NTM: variants seen among roughly 807,000 people sequenced by gnomAD.
NTM encodes IgLON family member 2.
Under a neutral mutation model 42.1 loss-of-function variants are expected in NTM, and 13 were observed. That is an observed-to-expected ratio of 0.31 (90% CI 0.20 to 0.49). NTM has a LOEUF of 0.49. Ranked by LOEUF, NTM falls within the 20% of genes least tolerant of loss-of-function variation. NTM has a pLI of 0.99. For synonymous variants in NTM, 187 were observed against 179.2 expected (o/e 1.04, Z -0.35); for missense variants, 373 against 452.8 (o/e 0.82, Z 1.60).
intron 2 of NTM, among the ~76,000 whole-genome samples, chr11:131,983,566 G>A (rs2065609020): frequency 6.6e-6 from 1 of 151,784 alleles, no homozygotes; most frequent in African/African-American, 2.4e-5. Context: ...ATTAGAGATG[G>A]GGTTTCACCA....
chr11:131,984,697 T>G (rs1347503377), intron 2 of NTM: 1 of 152,234 alleles, frequency 6.6e-6, no homozygotes, highest in Non-Finnish European at 1.5e-5. Flanking sequence ...GTTTTTCAGC[T>G]ACACAAAAAC....
chr11:131,917,441 G>C (rs73580756), intron 2 of NTM, among the ~76,000 whole-genome samples: 1 of 152,118 alleles, frequency 6.6e-6, no homozygotes, highest in African/African-American at 2.4e-5. Context: ...CCACAGATGA[G>C]GTGTGTTGGT....
intron 1 of NTM, among the ~76,000 whole-genome samples, chr11:131,494,889 T>TCTCTCTCC (rs1223565856): frequency 6.6e-6 from 1 of 152,172 alleles, no homozygotes; most frequent in African/African-American, 2.4e-5. Flanking sequence ...GAAATCACTT[T>TCTCTCTCC]CTCTCTCCCT....
At chr11:131,844,182 T>C (rs1043799039) in intron 1 of NTM, among the ~76,000 whole-genome samples, 12 of 152,230 alleles carry the variant, frequency 7.9e-5, no homozygotes, top group Non-Finnish European at 1.3e-4. Flanking sequence ...TTTAGCTTTT[T>C]AATCTATCTG....
chr11:132,120,245 G>T (rs80227605), intron 2 of NTM, among the ~76,000 whole-genome samples: 34 of 152,232 alleles, frequency 2.2e-4, no homozygotes, highest in African/African-American at 8.2e-4. Flanking sequence ...AAATGTAGAC[G>T]TTGTATTGCT....
intron 1 of NTM, among the ~76,000 whole-genome samples, chr11:131,601,091 C>A (rs1196139434): frequency 1.3e-5 from 2 of 152,188 alleles, no homozygotes; most frequent in Admixed American, 6.5e-5. Flanking sequence ...TATTCAAATT[C>A]TCCTATAAGT....
intron 1 of NTM, among the ~76,000 whole-genome samples, chr11:131,762,167 T>C (rs1305834820): frequency 6.6e-6 from 1 of 152,258 alleles, no homozygotes; most frequent in Non-Finnish European, 1.5e-5. Context: ...GGCAGCACCC[T>C]AGCGCCTCAG....
intron 7 of NTM, among the ~76,000 whole-genome samples, chr11:132,316,086 A>C (rs2095421348): frequency 2.0e-5 from 3 of 150,646 alleles, no homozygotes; most frequent in Non-Finnish European, 3.0e-5. Context: ...CACCCACAGC[A>C]CTCCTCATCC....
intron 2 of NTM, among the ~76,000 whole-genome samples, chr11:132,055,260 C>A (rs1205146525): frequency 6.6e-6 from 1 of 152,136 alleles, no homozygotes; most frequent in Non-Finnish European, 1.5e-5. Context: ...GGTGCTCACC[C>A]CACTCACCTC....
At chr11:131,371,004 A>G in intron 1 of NTM, 116 bp downstream of exon 1, 3 of 1,534,436 alleles carry the variant, frequency 2.0e-6, no homozygotes, top group East Asian at 4.5e-5. Context: ...TGGAGGAGAG[A>G]GCGTTTAGAC....
intron 4 of NTM, among the ~76,000 whole-genome samples, chr11:132,230,952 C>T (rs972344087): frequency 2.0e-5 from 3 of 152,212 alleles, no homozygotes; most frequent in Non-Finnish European, 4.4e-5. Flanking sequence ...GTCGAGGCTG[C>T]AGTGAGCTAT....
intron 2 of NTM, among the ~76,000 whole-genome samples, chr11:132,090,465 T>A (rs2060250064): frequency 6.6e-6 from 1 of 152,130 alleles, no homozygotes; most frequent in Non-Finnish European, 1.5e-5. Flanking sequence ...CCCAGTAACT[T>A]CATCTGCCCT....
intron 1 of NTM, among the ~76,000 whole-genome samples, chr11:131,550,809 C>T (rs1787839809): frequency 6.6e-6 from 1 of 152,034 alleles, no homozygotes. Context: ...GCATTTTAGC[C>T]TGGGCAATAG....
chr11:131,484,983 G>T (rs189375550), intron 1 of NTM, among the ~76,000 whole-genome samples: 76 of 152,318 alleles, frequency 5.0e-4, no homozygotes, highest in Non-Finnish European at 1.0e-3. Context: ...CTTGAAAAAT[G>T]GAGTGGGAGG....
intron 1 of NTM, among the ~76,000 whole-genome samples, chr11:131,723,363 G>A (rs1565469020): frequency 6.6e-6 from 1 of 152,250 alleles, no homozygotes; most frequent in Non-Finnish European, 1.5e-5. Context: ...TTCCGCTCAA[G>A]CGATGTAGAT....
rs142817071 is a variant in NTM at position 132,282,976 on chromosome 11, CTTTTTTT to C, written c.527-24694_527-24688del. Among the ~76,000 whole-genome samples, 831 of 109,010 alleles carry C rather than the reference CTTTTTTT, an allele frequency of 7.6e-3. 5 individuals are homozygous for C. Among genetic ancestry groups the C allele is most frequent in the African/African-American group, 0.024 (683 of 28,760 alleles). The allele number at this position is 109,010 out of a possible 152,430, so 71.5% of individuals were successfully genotyped here. A position where few individuals can be genotyped will look rare whatever the true frequency, so the allele number is the denominator to read the frequency against. ...AATGAAACGGGAAATTCCTTTATTC[CTTTTTTT>C]TTTTTTTTTTTTTTTTTTATTTGAG... On this transcript the variant is annotated intron_variant, in intron 4 of 8. Coordinates refer to ENST00000683400, the MANE Select transcript of NTM (RefSeq NM_001352005.2).
At chr11:131,539,936 A>C (rs956589575) in intron 1 of NTM, among the ~76,000 whole-genome samples, 12 of 152,134 alleles carry the variant, frequency 7.9e-5, no homozygotes, top group Admixed American at 6.5e-4. Flanking sequence ...CAGTTTTAGC[A>C]CTGAAAGTCT....
At chr11:132,175,348 C>A (rs951109401) in intron 3 of NTM, among the ~76,000 whole-genome samples, 5 of 152,026 alleles carry the variant, frequency 3.3e-5, no homozygotes, top group African/African-American at 4.8e-5. Flanking sequence ...CACACCCTGG[C>A]TCCTGCTCTC....
intron 2 of NTM, among the ~76,000 whole-genome samples, chr11:132,016,317 G>A (rs1214144372): frequency 6.6e-6 from 1 of 151,826 alleles, no homozygotes; most frequent in African/African-American, 2.4e-5. Flanking sequence ...ACCCCAGAAA[G>A]TTCCCTTGTG....
Sources: gnomAD v4.1 joint callset for allele counts (sites outside exome capture counted in the v4.1 genomes callset) on GRCh38, gnomAD v4.1.1 for gene constraint, MANE v1.5 for transcripts, NCBI Gene and HGNC (gene_info 2026-07-23, HGNC 2026-07-21) for gene names.